TENM1: variants seen among roughly 807,000 people sequenced by gnomAD.
TENM1 encodes teneurin transmembrane protein 1.
Under a neutral mutation model 174.8 loss-of-function variants are expected in TENM1, and 35 were observed. That is an observed-to-expected ratio of 0.20 (90% CI 0.15 to 0.27). The LOEUF (loss-of-function observed/expected upper bound fraction) is 0.27, where lower values mean the gene tolerates loss of function less well. Among genes scored for constraint, TENM1 ranks in the 10% least tolerant of loss-of-function variants. TENM1 has a pLI of 1.00. For missense variants in TENM1, 1,633 were observed against 2,130.1 expected, an observed-to-expected ratio of 0.77 and a Z score of 4.59; for synonymous variants, 781 against 798.7, an observed-to-expected ratio of 0.98 and a Z score of 0.37.
chrX:124,973,685 T>A, the TENM1 span, among the ~76,000 whole-genome samples: 1 of 111,956 alleles, frequency 8.9e-6, no homozygotes, highest in Non-Finnish European at 1.9e-5. Flanking sequence ...GGGAGATCTC[T>A]CATGATTTGG....
At chrX:124,761,749 T>C (rs2148607396) in intron 3 of TENM1, among the ~76,000 whole-genome samples, 1 of 111,483 alleles carries the variant, frequency 9.0e-6, no homozygotes, top group South Asian at 3.8e-4. Flanking sequence ...TTGTAGCATG[T>C]TTTTCTAAGA....
chrX:125,197,161 T>C, the TENM1 span, among the ~76,000 whole-genome samples: 1 of 111,828 alleles, frequency 8.9e-6, no homozygotes, highest in Non-Finnish European at 1.9e-5. Context: ...TACTTTTATT[T>C]TGGCTGTTTA....
chrX:124,575,366 T>A (rs975811977), intron 11 of TENM1, among the ~76,000 whole-genome samples: 1 of 112,122 alleles, frequency 8.9e-6, no homozygotes, highest in South Asian at 3.7e-4. Flanking sequence ...TTTAATACTA[T>A]CTTAAATCTG....
chrX:124,788,165 T>C (rs940694312), intron 3 of TENM1, among the ~76,000 whole-genome samples: 1 of 111,532 alleles, frequency 9.0e-6, no homozygotes, highest in African/African-American at 3.3e-5. Context: ...TTATGAGAGC[T>C]ATATGATGAG....
chrX:124,600,976 G>A (rs901897556), intron 11 of TENM1, among the ~76,000 whole-genome samples: 51 of 111,906 alleles, frequency 4.6e-4, no homozygotes, highest in African/African-American at 1.6e-3. Flanking sequence ...TAGCTGTATT[G>A]TGGTTATGTA....
At chrX:124,691,696 A>G (rs1467381808) in intron 5 of TENM1, among the ~76,000 whole-genome samples, 1 of 111,681 alleles carries the variant, frequency 9.0e-6, no homozygotes, top group Non-Finnish European at 1.9e-5. Flanking sequence ...TGGTCTGCCT[A>G]CTTGTTAATT....
chrX:124,831,206 G>T (rs1170783229), intron 3 of TENM1, among the ~76,000 whole-genome samples: 1 of 110,665 alleles, frequency 9.0e-6, no homozygotes, highest in Non-Finnish European at 1.9e-5. Flanking sequence ...TCTTCTCAGG[G>T]CTCAAACTAA....
chrX:124,999,665 A>G, the TENM1 span, among the ~76,000 whole-genome samples: 3 of 111,128 alleles, frequency 2.7e-5, no homozygotes, highest in East Asian at 8.5e-4. Flanking sequence ...GAGGAGTTTG[A>G]ACATGATCTA....
At chrX:125,183,202 A>G in the TENM1 span, among the ~76,000 whole-genome samples, 1 of 112,038 alleles carries the variant, frequency 8.9e-6, no homozygotes, top group African/African-American at 3.2e-5. Flanking sequence ...ATTATTATGT[A>G]TTAAATGCTA....
intron 23 of TENM1, among the ~76,000 whole-genome samples, chrX:124,424,650 T>C (rs1409260818): frequency 8.9e-6 from 1 of 111,918 alleles, no homozygotes; most frequent in Non-Finnish European, 1.9e-5. Context: ...TGCCCAAATA[T>C]CATGTTCAAT....
At chrX:124,861,954 G>T (rs1423003291) in intron 3 of TENM1, among the ~76,000 whole-genome samples, 1 of 111,673 alleles carries the variant, frequency 9.0e-6, no homozygotes, top group Non-Finnish European at 1.9e-5. Flanking sequence ...CATTGATTTG[G>T]CATATCAATT....
chrX:124,645,942 C>T (rs1046668886), intron 9 of TENM1, among the ~76,000 whole-genome samples: 3 of 111,403 alleles, frequency 2.7e-5, no homozygotes, highest in African/African-American at 9.8e-5. Context: ...CCCACCTCCT[C>T]AAGATCTATC....
At chrX:124,399,860 T>C (rs999893971) in intron 27 of TENM1, among the ~76,000 whole-genome samples, 20 of 111,408 alleles carry the variant, frequency 1.8e-4, no homozygotes, top group African/African-American at 4.9e-4. Flanking sequence ...TAGTCCCAGC[T>C]ACTCAGGAGA....
chrX:124,597,236 T>C (rs898995954), intron 11 of TENM1, among the ~76,000 whole-genome samples: 6 of 111,855 alleles, frequency 5.4e-5, no homozygotes, highest in African/African-American at 1.9e-4. Flanking sequence ...ATGTTGATAG[T>C]AGCACAATGT....
intron 22 of TENM1, among the ~76,000 whole-genome samples, chrX:124,471,405 T>A (rs2061322265): frequency 3.7e-5 from 1 of 27,043 alleles, no homozygotes; most frequent in African/African-American, 1.4e-4. Flanking sequence ...TAATATATAT[T>A]ATAATATATA....
At chrX:124,549,477 T>A (rs1003208381) in intron 14 of TENM1, among the ~76,000 whole-genome samples, 1 of 111,968 alleles carries the variant, frequency 8.9e-6, no homozygotes, top group African/African-American at 3.2e-5. Context: ...AAATTCCGAC[T>A]TATTTTTGAA....
chrX:124,769,440 T>G (rs2054606098), intron 3 of TENM1, among the ~76,000 whole-genome samples: 2 of 112,016 alleles, frequency 1.8e-5, no homozygotes, highest in Admixed American at 1.9e-4. Context: ...TAATGACTGT[T>G]TAATGATTTT....
intron 4 of TENM1, among the ~76,000 whole-genome samples, chrX:124,726,473 G>A (rs2053444915): frequency 8.9e-6 from 1 of 112,315 alleles, no homozygotes; most frequent in South Asian, 3.7e-4. Context: ...CCATCATGTG[G>A]TGTAGGCTGA....
chrX:124,661,384 T>C (rs939670863), intron 6 of TENM1, among the ~76,000 whole-genome samples: 1 of 112,178 alleles, frequency 8.9e-6, no homozygotes, highest in African/African-American at 3.2e-5. Flanking sequence ...GCATAGCATA[T>C]ACACAAAAAC....
Sources: allele counts gnomAD v4.1 joint callset (sites outside exome capture counted in the v4.1 genomes callset), GRCh38; gene constraint gnomAD v4.1.1; transcripts MANE v1.5; gene names NCBI Gene and HGNC (gene_info 2026-07-23, HGNC 2026-07-21).